The following SYT7 variants were observed in gnomAD, a reference collection of about 807,000 sequenced individuals.
SYT7 encodes synaptotagmin 7.
A neutral mutation model predicts 75.1 loss-of-function variants in SYT7; 29 were observed. That is an observed-to-expected ratio of 0.39 (90% confidence interval 0.29 to 0.53). SYT7 has a LOEUF of 0.53. SYT7 is among the 20% of genes least tolerant of loss of function. The pLI, the probability that SYT7 is intolerant of heterozygous loss-of-function variation, is 0.77. For missense variants in SYT7, 693 were observed against 953.2 expected, an observed-to-expected ratio of 0.73 and a Z score of 3.59; for synonymous variants, 376 against 401.7, an observed-to-expected ratio of 0.94 and a Z score of 0.76.
At position 61,538,258 on chromosome 11, in the gene SYT7, C is replaced by T. The variant is rs571137909; in HGVS notation, c.950G>A (p.Arg317Gln). 5 of 1,533,684 alleles carry T rather than the reference C, an allele frequency of 3.3e-6. No individual in the cohort carries two copies. The highest frequency in any genetic ancestry group is 2.0e-5 in the Admixed American group (1 of 50,872). The change falls in exon 7 of 13, where the codon CGG (arginine) becomes CAG (glutamine). Residue 317 changes from arginine to glutamine, a missense_variant. Arg to Gln is a conservative substitution (Grantham distance 43, BLOSUM62 1). Transcript: ENST00000539008. ...TAAGACCAAGGATAGCACCACCATC[C>T]GGCCTTCCCTGCCCGGGGAGGGCAG... is the stretch of plus-strand genomic sequence containing the variant. ...GLDMKSFLEG[R>Q]MVVLSLVLGL... is the part of the protein sequence containing the mutation.
At chr11:61,558,125 C>G (rs868609636) in intron 1 of SYT7, among the ~76,000 whole-genome samples, 8 of 152,192 alleles carry the variant, frequency 5.3e-5, no homozygotes, top group Admixed American at 1.3e-4. Context: ...AAGTAAACGC[C>G]ATTCTTACGC....
At position 61,548,043 on chromosome 11, in the gene SYT7, T is replaced by C. The variant is rs143254307; in HGVS notation, c.216-735A>G. Among the ~76,000 whole-genome samples, 937 of 152,322 alleles carry C rather than the reference T, an allele frequency of 6.2e-3. 8 individuals are homozygous for C. The highest frequency in any genetic ancestry group is 0.014 in the Middle Eastern group (4 of 294). On this transcript the variant is annotated intron_variant, in intron 3 of 12. Transcript: ENST00000539008. ...ACTCCATGAGGCTGGGCTGCAGCCT[T>C]AACCTAAGACTGGGGGATCTCAGCT...
chr11:61,533,227 G>C, intron 7 of SYT7, 103 bp from the exon 8 acceptor site: 1 of 1,475,124 alleles, frequency 6.8e-7, no homozygotes, highest in Non-Finnish European at 8.9e-7. Context: ...CCCAGCAGCT[G>C]CCATGCCCGG....
intron 12 of SYT7, among the ~76,000 whole-genome samples, chr11:61,522,489 C>T (rs999425910): frequency 1.3e-5 from 2 of 152,136 alleles, no homozygotes; most frequent in Admixed American, 6.5e-5. Flanking sequence ...TGTGCCCGGC[C>T]AACTTTCTAC....
At chr11:61,581,270 C>G (rs2064265557), upstream of SYT7, 1 of 147,586 alleles carries the variant, frequency 6.8e-6, no homozygotes, top group South Asian at 1.8e-4. Context: ...GCCCCGAGGG[C>G]ACGGCCGCCG....
chr11:61,580,447 C>T lies in SYT7; in HGVS notation c.31+343G>A, dbSNP rs940960834. Reference sequence around the variant, plus strand: ...CCGGGGCACCGGTGCTGGGGAGCCTCGGGTGCCTCTGAGGGCACTGCCCGG... The same window carrying T: ...CCGGGGCACCGGTGCTGGGGAGCCTTGGGTGCCTCTGAGGGCACTGCCCGG... On this transcript the variant is annotated intron_variant, in intron 1 of 12. Transcript: ENST00000539008. The surrounding 1 kb of genome is among the most constrained non-coding windows in gnomAD (Gnocchi z 6.1). Among the ~76,000 whole-genome samples the T allele has an allele frequency of 2.6e-5, 4 of 152,088 alleles. No individual in the cohort carries two copies. Among genetic ancestry groups the T allele is most frequent in the African/African-American group, 9.7e-5 (4 of 41,424 alleles).
intron 5 of SYT7, among the ~76,000 whole-genome samples, chr11:61,543,325 C>G (rs2063100459): frequency 1.3e-5 from 2 of 152,168 alleles, no homozygotes; most frequent in African/African-American, 4.8e-5. Flanking sequence ...AGGGTGGAAC[C>G]CAGTATCCCC....
chr11:61,513,849 G>C lies in SYT7; in HGVS notation c.*4778C>G, dbSNP rs1198121302. Among the ~76,000 whole-genome samples, 3 of 152,222 alleles carry C rather than the reference G, an allele frequency of 2.0e-5. No individual in the cohort carries two copies. The highest frequency in any genetic ancestry group is 4.4e-5 in the Non-Finnish European group (3 of 68,046). ...CATACACGCAGGACACAGACACGGG[G>C]AGCGGGGCGTCTTCACGGGAAACAG... On this transcript the variant is annotated 3_prime_UTR_variant, in exon 13 of 13. Coordinates refer to ENST00000539008, the MANE Select transcript of SYT7 (RefSeq NM_001365809.2).
At chr11:61,572,338 T>G (rs1487402252) in intron 1 of SYT7, among the ~76,000 whole-genome samples, 2 of 152,230 alleles carry the variant, frequency 1.3e-5, no homozygotes, top group East Asian at 3.9e-4. Flanking sequence ...GAAGAGGCAC[T>G]GGGACACCCT....
At chr11:61,547,343 A>G in intron 3 of SYT7, 35 bp from the exon 4 acceptor site, 1 of 1,533,274 alleles carries the variant, frequency 6.5e-7, no homozygotes, top group Non-Finnish European at 8.7e-7. Flanking sequence ...GAAAACAGGG[A>G]GATACAAGAA....
chr11:61,535,452 C>T (rs946771257), intron 7 of SYT7, among the ~76,000 whole-genome samples: 2 of 152,206 alleles, frequency 1.3e-5, no homozygotes, highest in Non-Finnish European at 2.9e-5. Flanking sequence ...AGTGGTGAAA[C>T]GATGGCAGAC....
chr11:61,541,329 G>T, intron 6 of SYT7: 2 of 985,150 alleles, frequency 2.0e-6, no homozygotes, highest in Non-Finnish European at 1.2e-6. Context: ...GGCAAAGGAG[G>T]GGGGTGATGT....
In SYT7 at chr11:61,518,129, C is replaced by G. The variant is rs757621115; in HGVS notation, c.*498G>C. Reference sequence around the variant, plus strand: ...CCAGGAGCGGGCTATATACTATCCTCGACATTCAGGGCCCAGCCGGCACCT... The same window carrying G: ...CCAGGAGCGGGCTATATACTATCCTGGACATTCAGGGCCCAGCCGGCACCT... On this transcript the variant is annotated 3_prime_UTR_variant, in exon 13 of 13. Coordinates refer to ENST00000539008, the MANE Select transcript of SYT7 (RefSeq NM_001365809.2). 1 of 158,176 alleles carries G rather than the reference C, an allele frequency of 6.3e-6. No individual in the cohort carries two copies. Among genetic ancestry groups the G allele is most frequent in the Admixed American group, 6.4e-5 (1 of 15,518 alleles). The allele number at this position is 158,176 out of a possible 1,614,324, so 9.8% of individuals were successfully genotyped here. A position where few individuals can be genotyped will look rare whatever the true frequency, so the allele number is the denominator to read the frequency against.
intron 3 of SYT7, among the ~76,000 whole-genome samples, chr11:61,550,901 C>T (rs138158520): frequency 6.6e-6 from 1 of 152,312 alleles, no homozygotes; most frequent in African/African-American, 2.4e-5. Context: ...CTCTGCTCCC[C>T]GAGTGGCCCA....
At chr11:61,539,661 A>G (rs529561324) in intron 6 of SYT7, 1 of 152,312 alleles carries the variant, frequency 6.6e-6, no homozygotes, top group South Asian at 2.1e-4. Flanking sequence ...ACAGAGGAAG[A>G]GCTTGCTCTA....
At chr11:61,532,340 C>G (rs1034489400) in intron 8 of SYT7, among the ~76,000 whole-genome samples, 7 of 152,182 alleles carry the variant, frequency 4.6e-5, no homozygotes, top group Admixed American at 3.9e-4. Context: ...CTGCTGCCCC[C>G]CTGGGGGCAC....
intron 1 of SYT7, among the ~76,000 whole-genome samples, chr11:61,567,343 G>GCCC (rs10682064): frequency 0.023 from 3,523 of 150,732 alleles, 155 homozygotes; most frequent in African/African-American, 0.079. Context: ...TGAGCGCCCC[G>GCCC]CCCCCCAGAG....
rs187701442 is a variant in SYT7, at chr11:61,578,206, G to C, written c.31+2584C>G. ...CAATAGATCAGGGAACCAAGGGCCT[G>C]GGGGCCTGAGGCCCAAGTAGGGAGA... On this transcript the variant is annotated intron_variant, in intron 1 of 12. Transcript: ENST00000539008. Among the ~76,000 whole-genome samples the C allele has an allele frequency of 3.5e-3, 537 of 152,348 alleles. 4 individuals carry two copies. The highest frequency in any genetic ancestry group is 0.012 in the African/African-American group (484 of 41,580).
At chr11:61,539,863 A>C (rs1052399581) in intron 6 of SYT7, 1 of 151,920 alleles carries the variant, frequency 6.6e-6, no homozygotes, top group Non-Finnish European at 1.5e-5. Context: ...CTCCAGGCTG[A>C]CCCTTGTGCT....
Sources: gnomAD v4.1 joint callset for allele counts (sites outside exome capture counted in the v4.1 genomes callset) on GRCh38, gnomAD v4.1.1 for gene constraint, Gnocchi (gnomAD v3.1) non-coding constraint, MANE v1.5 for transcripts, NCBI Gene and HGNC (gene_info 2026-07-23, HGNC 2026-07-21) for gene names.